Variants in NPFFR2 observed in about 807,000 individuals in gnomAD.
NPFFR2 encodes G-protein coupled receptor 74.
NPFFR2 carries 15 observed loss-of-function variants against 13.1 expected under a neutral mutation model. The ratio of observed to expected loss-of-function variants is 1.15; its 90% CI spans 0.77 to 1.76. The LOEUF is 1.76. Among genes scored for constraint, NPFFR2 ranks in the 40% most tolerant of loss-of-function variants. The probability of loss-of-function intolerance (pLI) is 0.00; values close to 1 mark genes in which losing one functional copy is unlikely to be tolerated. For synonymous variants in NPFFR2, 190 were observed against 175.7 expected (o/e 1.08, Z -0.65); for missense variants, 572 against 503.5 (o/e 1.14, Z -1.30).
intron 1 of NPFFR2, among the ~76,000 whole-genome samples, chr4:72,061,902 TAACA>T (rs1719931989): frequency 6.6e-6 from 1 of 152,170 alleles, no homozygotes; most frequent in Non-Finnish European, 1.5e-5. Context: ...TATACCTATG[TAACA>T]AACCTACATG....
intron 1 of NPFFR2, among the ~76,000 whole-genome samples, chr4:72,047,981 C>G (rs1237870247): frequency 6.6e-6 from 1 of 151,912 alleles, no homozygotes; most frequent in African/African-American, 2.4e-5. Flanking sequence ...GACAGATTTC[C>G]CCCACTCAAT....
intron 1 of NPFFR2, among the ~76,000 whole-genome samples, chr4:72,049,374 G>T (rs1719475806): frequency 6.6e-6 from 1 of 152,086 alleles, no homozygotes; most frequent in African/African-American, 2.4e-5. Context: ...ACTACATTCA[G>T]TGTGAACAAT....
At chr4:72,034,700 T>C (rs1719000162) in intron 1 of NPFFR2, among the ~76,000 whole-genome samples, 1 of 152,228 alleles carries the variant, frequency 6.6e-6, no homozygotes, top group African/African-American at 2.4e-5. Flanking sequence ...CCTCTCTGTT[T>C]CCCTTTGATT....
At chr4:72,058,215 A>C (rs1719816109) in intron 1 of NPFFR2, among the ~76,000 whole-genome samples, 1 of 151,948 alleles carries the variant, frequency 6.6e-6, no homozygotes, top group Non-Finnish European at 1.5e-5. Context: ...ATTTATGGGC[A>C]CAGGGACATT....
At chr4:72,113,225 G>A (rs952013954) in intron 1 of NPFFR2, among the ~76,000 whole-genome samples, 1 of 151,988 alleles carries the variant, frequency 6.6e-6, no homozygotes, top group Non-Finnish European at 1.5e-5. Context: ...GGAAAGAAAA[G>A]GCTCACAGCA....
intron 3 of NPFFR2, among the ~76,000 whole-genome samples, chr4:72,138,389 C>T (rs1377476307): frequency 1.3e-5 from 2 of 152,174 alleles, no homozygotes; most frequent in East Asian, 3.9e-4. Context: ...TTAGGTATTT[C>T]TCCTAATGTT....
At chr4:72,091,395 A>G (rs1318459972) in intron 1 of NPFFR2, among the ~76,000 whole-genome samples, 1 of 152,060 alleles carries the variant, frequency 6.6e-6, no homozygotes, top group African/African-American at 2.4e-5. Context: ...AATAGTGTCA[A>G]TAGGATTGGT....
At chr4:72,090,071 G>A (rs937092746) in intron 1 of NPFFR2, among the ~76,000 whole-genome samples, 1 of 152,032 alleles carries the variant, frequency 6.6e-6, no homozygotes, top group Non-Finnish European at 1.5e-5. Flanking sequence ...ACCATTTGTT[G>A]AATAGGGTGT....
chr4:72,100,599 C>T (rs1301530616), intron 1 of NPFFR2, among the ~76,000 whole-genome samples: 4 of 151,904 alleles, frequency 2.6e-5, no homozygotes, highest in Non-Finnish European at 5.9e-5. Flanking sequence ...TTCTAAAGTC[C>T]TTAAGGACTT....
At chr4:72,074,754 A>G (rs576509762) in intron 1 of NPFFR2, among the ~76,000 whole-genome samples, 1 of 152,262 alleles carries the variant, frequency 6.6e-6, no homozygotes, top group African/African-American at 2.4e-5. Context: ...GGAAAAAAAC[A>G]TGATCCAACT....
At chr4:72,100,925 G>A (rs1303626839) in intron 1 of NPFFR2, among the ~76,000 whole-genome samples, 3 of 151,936 alleles carry the variant, frequency 2.0e-5, no homozygotes, top group African/African-American at 7.2e-5. Flanking sequence ...AGAAGGTATA[G>A]GAAGTATCTT....
chr4:72,039,363 C>T, intron 1 of NPFFR2: 2 of 984,566 alleles, frequency 2.0e-6, no homozygotes, highest in Non-Finnish European at 2.4e-6. Flanking sequence ...CGGCCAATTT[C>T]CTTTCTTAGT....
chr4:72,133,242 A>T (rs1044956187), intron 2 of NPFFR2, among the ~76,000 whole-genome samples: 10 of 152,116 alleles, frequency 6.6e-5, no homozygotes, highest in Non-Finnish European at 1.3e-4. Flanking sequence ...TCCCAGCATG[A>T]TTTATTAAAT....
intron 1 of NPFFR2, among the ~76,000 whole-genome samples, chr4:72,113,126 G>A (rs1371356683): frequency 6.6e-6 from 1 of 152,036 alleles, no homozygotes; most frequent in Non-Finnish European, 1.5e-5. Flanking sequence ...TATTTTTTGA[G>A]TAATCAATGG....
Position 72,032,120 on chromosome 4 carries a change from C to G in NPFFR2, c.-88C>G. On this transcript the variant is annotated 5_prime_UTR_variant, in exon 1 of 4. Coordinates refer to ENST00000308744, the MANE Select transcript of NPFFR2 (RefSeq NM_004885.3). ...GGCAGACTGCGAAAAGTAGCTGGAG[C>G]CGGAGCAGGGACAGAACCTGTTGCT... 2.5e-6 allele frequency: 4 copies of G among 1,614,084 alleles called. No homozygotes were observed. Among genetic ancestry groups the G allele is most frequent in the Middle Eastern group, 3.3e-4 (2 of 6,054 alleles).
chr4:72,087,407 T>C (rs1720800396), intron 1 of NPFFR2, among the ~76,000 whole-genome samples: 1 of 152,214 alleles, frequency 6.6e-6, no homozygotes, highest in Non-Finnish European at 1.5e-5. Flanking sequence ...GATAATACAA[T>C]TCTTATTGCC....
chr4:72,144,606 T>C (rs567641062), intron 3 of NPFFR2, among the ~76,000 whole-genome samples: 1 of 152,268 alleles, frequency 6.6e-6, no homozygotes, highest in South Asian at 2.1e-4. Context: ...AAGCACCTAC[T>C]GTACAACTTC....
chr4:72,079,489 A>G (rs1384594398), intron 1 of NPFFR2, among the ~76,000 whole-genome samples: 4 of 152,224 alleles, frequency 2.6e-5, no homozygotes, highest in African/African-American at 7.2e-5. Flanking sequence ...AAATAAGAAC[A>G]TGATACCAAA....
At chr4:72,107,819 C>T (rs1398271741) in intron 1 of NPFFR2, among the ~76,000 whole-genome samples, 8 of 151,830 alleles carry the variant, frequency 5.3e-5, no homozygotes, top group Admixed American at 5.3e-4. Flanking sequence ...ACTTGTATGT[C>T]AAAAAATACA....
Sources: allele counts gnomAD v4.1 joint callset (sites outside exome capture counted in the v4.1 genomes callset), GRCh38; gene constraint gnomAD v4.1.1; transcripts MANE v1.5; gene names NCBI Gene and HGNC (gene_info 2026-07-23, HGNC 2026-07-21).